NUP107: variants seen among roughly 807,000 people sequenced by gnomAD.
The protein encoded by NUP107 is nuclear pore complex protein Nup107.
In NUP107, 101 loss-of-function variants were observed where a neutral mutation model predicts 141.0. The ratio of observed to expected loss-of-function variants is 0.72; its 90% CI spans 0.61 to 0.84. NUP107 has a LOEUF of 0.84. Ranked by LOEUF, NUP107 falls within the 40% of genes least tolerant of loss-of-function variation. The probability of loss-of-function intolerance (pLI) is 0.00; values close to 1 mark genes in which losing one functional copy is unlikely to be tolerated. For synonymous variants in NUP107, 319 were observed against 363.9 expected (o/e 0.88, Z 1.41); for missense variants, 941 against 1,102.7 (o/e 0.85, Z 2.08).
intron 3 of NUP107, chr12:68,689,898 A>C: frequency 3.5e-6 from 1 of 281,852 alleles, no homozygotes; most frequent in South Asian, 5.6e-5. Flanking sequence ...GTATGTAAAT[A>C]GGCTGGATGC....
chr12:68,692,009 A>G lies in NUP107; in HGVS notation c.345A>G (p.Ser115=). 1 of 1,605,976 alleles carries G rather than the reference A, an allele frequency of 6.2e-7. No individual in the cohort carries two copies. The highest frequency in any genetic ancestry group is 8.5e-7 in the Non-Finnish European group (1 of 1,177,056). ...LDDSNWAAAF[S]SQRSGLFTNT... is the part of the protein sequence containing the mutation. ...ACAGTAACTGGGCAGCTGCATTTTC[A>G]TCACAGCGTTCCGGGCTGTTCACAA... Residue 115 remains serine, a synonymous_variant, in exon 5 of 28, where the codon TCA becomes TCG. Transcript: ENST00000229179.
Position 68,722,172 on chromosome 12 carries a change from T to C in NUP107, c.1506+20T>C, listed in dbSNP as rs368165935. On this transcript the variant is annotated intron_variant, in intron 17 of 27. Transcript: ENST00000229179. ...AAAAAGGTAAATGTTAATAGGAATA[T>C]GTTAGGTATCTGGAATAGGAAACAG... 5 of 1,604,432 alleles carry C rather than the reference T, an allele frequency of 3.1e-6. No individual in the cohort carries two copies. In the African/African-American group the frequency reaches 6.7e-5, roughly 21 times the overall value.
rs778938533 is a variant in NUP107 at position 68,731,652 on chromosome 12, G to A, written c.1931G>A (p.Arg644Gln). The stretch of plus-strand genomic sequence containing the variant: ...ACAAAAACTGTAGTTGAGAATATTC[G>A]AAAGAAAGATAATGGTGAATTTAGT... ...TITKTVVENI[R>Q]KKDNGEFSHH... Residue 644 changes from arginine to glutamine, a missense_variant, in exon 22 of 28, where the codon CGA (arginine) becomes CAA (glutamine). By Grantham distance (43) the Arg-to-Gln change is conservative (BLOSUM62 1). Transcript: ENST00000229179. The A allele has an allele frequency of 5.7e-6, 9 of 1,585,824 alleles. 1 individual carries two copies. The highest frequency in any genetic ancestry group is 2.3e-5 in the South Asian group (2 of 85,218).
intron 26 of NUP107, among the ~76,000 whole-genome samples, chr12:68,736,541 C>G (rs1368365045): frequency 2.0e-5 from 3 of 151,922 alleles, no homozygotes; most frequent in Non-Finnish European, 4.4e-5. Flanking sequence ...CTCAGCCTCC[C>G]CAGTAGCTAG....
chr12:68,696,270 C>G (rs1876048271), intron 5 of NUP107, among the ~76,000 whole-genome samples: 1 of 151,904 alleles, frequency 6.6e-6, no homozygotes, highest in Admixed American at 6.6e-5. Flanking sequence ...GAGGCTGAGG[C>G]AGGAGCACCG....
rs761697722 is a variant in NUP107 at position 68,689,530 on chromosome 12, C to T, written c.101-3C>T. On this transcript the variant is annotated splice_region_variant and splice_polypyrimidine_tract_variant and intron_variant, in intron 2 of 27. Coordinates refer to ENST00000229179, the MANE Select transcript of NUP107 (RefSeq NM_020401.4). ...GGAAAACTTTTCTTAACTCGTTGTA[C>T]AGTTCAGGCATCTCAAGATGAAAAT... 59 of 1,576,272 alleles carry T rather than the reference C, an allele frequency of 3.7e-5. No homozygotes were observed. The highest frequency in any genetic ancestry group is 4.9e-5 in the Non-Finnish European group (57 of 1,157,000).
intron 10 of NUP107, among the ~76,000 whole-genome samples, chr12:68,710,304 G>C (rs1249422483): frequency 6.6e-6 from 1 of 152,130 alleles, no homozygotes; most frequent in African/African-American, 2.4e-5. Context: ...TATACAGTTG[G>C]CCCTCTGAGT....
At chr12:68,689,468 A>T in intron 2 of NUP107, 65 bp from the exon 3 acceptor site, 1 of 915,584 alleles carries the variant, frequency 1.1e-6, no homozygotes, top group Non-Finnish European at 1.7e-6. Context: ...TAGTAAAAAG[A>T]TGGTTAATTC....
At position 68,731,018 on chromosome 12, in the gene NUP107, A is replaced by T. The variant is rs1877798399; in HGVS notation, c.1735-92A>T. 4 of 741,484 alleles carry T rather than the reference A, an allele frequency of 5.4e-6. No individual in the cohort carries two copies. In the East Asian group the frequency reaches 1.2e-4, roughly 22 times the overall value. The allele number at this position is 741,484 out of a possible 1,614,324, so 45.9% of individuals were successfully genotyped here. A position where few individuals can be genotyped will look rare whatever the true frequency, so the allele number is the denominator to read the frequency against. ...ATTCTGTTTAGCAACACAAATCCACATCTGTATGAACCTCTCCTGAATACA... is the reference window on the plus strand; with the variant it reads ...ATTCTGTTTAGCAACACAAATCCACTTCTGTATGAACCTCTCCTGAATACA... On this transcript the variant is annotated intron_variant, in intron 20 of 27. Coordinates refer to ENST00000229179, the MANE Select transcript of NUP107 (RefSeq NM_020401.4).
At chr12:68,696,668 G>A (rs1006948735) in intron 5 of NUP107, 151 bp from the exon 6 acceptor site, 36 of 501,636 alleles carry the variant, frequency 7.2e-5, no homozygotes, top group Middle Eastern at 5.5e-4. Flanking sequence ...AGCTGAGACC[G>A]TGCCATTGCA....
chr12:68,736,717 C>CTTTTTTTTTTTTTTTT (rs10713889), intron 26 of NUP107, among the ~76,000 whole-genome samples: 19 of 105,894 alleles, frequency 1.8e-4, no homozygotes, highest in African/African-American at 7.1e-4. Flanking sequence ...GTGTCGCCAC[C>CTTTTTTTTTTTTTTTT]TTTTTTTTTT....
rs559021277 is a variant in NUP107, at chr12:68,738,226, A to C, written c.2502+2882A>C. ...GGGAGGCGGAGGTTGCAGTGAGCCG[A>C]GATTGCGCCACTGCACTCCAGCCTG... On this transcript the variant is annotated intron_variant, in intron 26 of 27. Coordinates refer to ENST00000229179, the MANE Select transcript of NUP107 (RefSeq NM_020401.4). Among the ~76,000 whole-genome samples the C allele has an allele frequency of 4.0e-3, 612 of 152,232 alleles. 5 individuals carry two copies. The highest frequency in any genetic ancestry group is 0.014 in the African/African-American group (561 of 41,542).
At chr12:68,723,060 C>T (rs530095439) in intron 17 of NUP107, among the ~76,000 whole-genome samples, 1 of 152,126 alleles carries the variant, frequency 6.6e-6, no homozygotes, top group African/African-American at 2.4e-5. Context: ...GGTTGTATAC[C>T]TTAAAAATAT....
Position 68,710,915 on chromosome 12 carries a change from C to G in NUP107, c.890+822C>G, listed in dbSNP as rs148128835. On this transcript the variant is annotated intron_variant, in intron 10 of 27. Coordinates refer to ENST00000229179, the MANE Select transcript of NUP107 (RefSeq NM_020401.4). Reference sequence around the variant, plus strand: ...TCCAAGTAGGGTCCCCTATGGATACCAAGAGACAAATGTATATTCTGTTGG... The same window carrying G: ...TCCAAGTAGGGTCCCCTATGGATACGAAGAGACAAATGTATATTCTGTTGG... Among the ~76,000 whole-genome samples, 368 of 152,004 alleles carry G rather than the reference C, an allele frequency of 2.4e-3. 2 individuals are homozygous for G. The highest frequency in any genetic ancestry group is 8.7e-3 in the African/African-American group (359 of 41,476).
At position 68,687,072 on chromosome 12, in the gene NUP107, A is replaced by C. The variant is rs1223479863; in HGVS notation, c.7A>C (p.Arg3=). 6.2e-7 allele frequency: 1 copy of C among 1,614,050 alleles called. No homozygotes were observed. Among genetic ancestry groups the C allele is most frequent in the African/African-American group, 1.3e-5 (1 of 74,950 alleles). ...TGTGGAAAAGGCTTTAGCCATGGAC[A>C]GGTCAGTACTGATGGTGGCAGCTGA... MD[R]SGFGEISSPV... Residue 3 remains arginine, a splice_region_variant and synonymous_variant, in exon 1 of 28, where the codon AGG becomes CGG. Coordinates refer to ENST00000229179, the MANE Select transcript of NUP107 (RefSeq NM_020401.4).
At chr12:68,741,347 T>G (rs1202097338) in intron 26 of NUP107, among the ~76,000 whole-genome samples, 2 of 152,186 alleles carry the variant, frequency 1.3e-5, no homozygotes, top group Non-Finnish European at 2.9e-5. Flanking sequence ...AAAGAAATTA[T>G]AAATTCCATT....
chr12:68,709,071 A>G (rs987990826), intron 8 of NUP107, among the ~76,000 whole-genome samples, 167 bp from the exon 9 acceptor site: 1 of 152,226 alleles, frequency 6.6e-6, no homozygotes, highest in African/African-American at 2.4e-5. Flanking sequence ...TACACAATAG[A>G]TACCTTTCAA....
chr12:68,688,858 T>C, intron 1 of NUP107, 104 bp from the exon 2 acceptor site: 3 of 735,232 alleles, frequency 4.1e-6, no homozygotes, highest in Non-Finnish European at 6.7e-6. Context: ...AGAATGACTA[T>C]ACCTTAACTT....
At chr12:68,691,286 A>C (rs761495413) in intron 4 of NUP107, among the ~76,000 whole-genome samples, 2 of 152,344 alleles carry the variant, frequency 1.3e-5, no homozygotes, top group Admixed American at 6.5e-5. Context: ...TGACCAGAAG[A>C]AGTACATGCT....
Sources: allele counts gnomAD v4.1 joint callset (sites outside exome capture counted in the v4.1 genomes callset), GRCh38; gene constraint gnomAD v4.1.1; transcripts MANE v1.5; gene names NCBI Gene and HGNC (gene_info 2026-07-23, HGNC 2026-07-21).